The following ZNRF3 variants were observed in gnomAD, a reference collection of about 807,000 sequenced individuals.
ZNRF3 encodes zinc and ring finger 3, also known as E3 ubiquitin-protein ligase ZNRF3.
Under a neutral mutation model 72.5 loss-of-function variants are expected in ZNRF3, and 23 were observed. The ratio of observed to expected loss-of-function variants is 0.32; its 90% CI spans 0.23 to 0.45. The LOEUF (loss-of-function observed/expected upper bound fraction) is 0.45, where lower values mean the gene tolerates loss of function less well. Ranked by LOEUF, ZNRF3 falls within the 20% of genes least tolerant of loss-of-function variation. The pLI, the probability that ZNRF3 is intolerant of heterozygous loss-of-function variation, is 1.00. For missense variants in ZNRF3, 1,169 were observed against 1,272.1 expected (o/e 0.92, Z 1.23); for synonymous variants, 610 against 545.3 (o/e 1.12, Z -1.65).
chr22:28,967,266 C>T (rs1343071552), intron 1 of ZNRF3, among the ~76,000 whole-genome samples: 1 of 152,174 alleles, frequency 6.6e-6, no homozygotes, highest in Admixed American at 6.5e-5. Flanking sequence ...CATGGTGTTA[C>T]AGTTGACTAC....
chr22:28,967,828 G>A (rs1347118902), intron 1 of ZNRF3, among the ~76,000 whole-genome samples: 3 of 151,708 alleles, frequency 2.0e-5, no homozygotes, highest in African/African-American at 7.3e-5. Flanking sequence ...AGGTGGCTGA[G>A]GCAGGAGGAT....
At chr22:28,979,457 C>T (rs940758953) in intron 1 of ZNRF3, among the ~76,000 whole-genome samples, 2 of 152,158 alleles carry the variant, frequency 1.3e-5, no homozygotes, top group Non-Finnish European at 2.9e-5. Context: ...GCCACCCCAG[C>T]GTTCTTGGGC....
At chr22:28,968,193 C>T (rs2035509618) in intron 1 of ZNRF3, among the ~76,000 whole-genome samples, 1 of 152,172 alleles carries the variant, frequency 6.6e-6, no homozygotes, top group South Asian at 2.1e-4. Context: ...CTCAGCATGT[C>T]TTCCAGTTCA....
chr22:29,050,648 C>G lies in ZNRF3; in HGVS notation c.2467C>G (p.Arg823Gly). ...EPPPGCYPGA[R>G]DLSQRIPIIP... ...ACCGCCCGGCTGCTACCCCGGGGCC[C>G]GGGACCTGAGCCAGCGCATCCCCAT... Residue 823 changes from arginine to glycine, a missense_variant, in exon 8 of 9, where the codon CGG becomes GGG. Physicochemically the swap from Arg to Gly is moderately radical, Grantham distance 125. Coordinates refer to ENST00000544604, the MANE Select transcript of ZNRF3 (RefSeq NM_001206998.2). The G allele has an allele frequency of 6.2e-7, 1 of 1,611,892 alleles. No individual in the cohort carries two copies. The highest frequency in any genetic ancestry group is 2.2e-5 in the East Asian group (1 of 44,788).
chr22:29,050,408 T>C lies in ZNRF3; in HGVS notation c.2227T>C (p.Ser743Pro), dbSNP rs1448182370. 5 of 1,606,654 alleles carry C rather than the reference T, an allele frequency of 3.1e-6. No individual in the cohort carries two copies. Among genetic ancestry groups the C allele is most frequent in the Non-Finnish European group, 4.3e-6 (5 of 1,175,824 alleles). ...CCTGGGGCCCCACCTCTACGAGGGC[T>C]CTGGCCCGGCGGGTGGGGAGCCCCA... ...LFLGPHLYEGSGPAGGEPQSG... is the reference protein window; with the variant it reads ...LFLGPHLYEGPGPAGGEPQSG... The change falls in exon 8 of 9, where the codon TCT becomes CCT. Residue 743 changes from serine (S) to proline (P), a missense_variant. Physicochemically the swap from Ser to Pro is moderately conservative, Grantham distance 74 (BLOSUM62 -1). Around this residue, in one of 2 missense-constraint regions of ZNRF3, gnomAD observed 783 missense variants for 731.4 expected, o/e 1.07. Coordinates refer to ENST00000544604, the MANE Select transcript of ZNRF3 (RefSeq NM_001206998.2).
chr22:29,033,663 A>T (rs1461320802), intron 2 of ZNRF3, among the ~76,000 whole-genome samples: 1 of 152,124 alleles, frequency 6.6e-6, no homozygotes, highest in African/African-American at 2.4e-5. Context: ...AAAACGATGG[A>T]TGGATTTGGA....
At chr22:29,040,490 C>T (rs751133137) in intron 2 of ZNRF3, among the ~76,000 whole-genome samples, 26 of 151,926 alleles carry the variant, frequency 1.7e-4, no homozygotes, top group African/African-American at 4.8e-4. Context: ...CATCCCCCAC[C>T]GCCTTTTTTT....
At chr22:28,959,275 C>CT (rs1277419271) in intron 1 of ZNRF3, among the ~76,000 whole-genome samples, 2 of 152,210 alleles carry the variant, frequency 1.3e-5, no homozygotes, top group African/African-American at 4.8e-5. Flanking sequence ...AACACCTCAC[C>CT]TTATGACTGC....
chr22:28,963,344 G>T (rs913292401), intron 1 of ZNRF3, among the ~76,000 whole-genome samples: 2 of 152,140 alleles, frequency 1.3e-5, no homozygotes, highest in African/African-American at 2.4e-5. Context: ...TGCATCCCCT[G>T]CTTCTCTGTA....
chr22:28,947,496 C>T (rs894443023), intron 1 of ZNRF3, among the ~76,000 whole-genome samples: 1 of 152,206 alleles, frequency 6.6e-6, no homozygotes, highest in Non-Finnish European at 1.5e-5. Flanking sequence ...ATTCTAATTT[C>T]TCCATACCCT....
At chr22:28,982,220 A>G (rs1398906262) in intron 1 of ZNRF3, among the ~76,000 whole-genome samples, 1 of 152,096 alleles carries the variant, frequency 6.6e-6, no homozygotes, top group African/African-American at 2.4e-5. Flanking sequence ...CTAGTTTGCA[A>G]CTTATTTACA....
At chr22:28,977,327 A>G (rs1326391746) in intron 1 of ZNRF3, among the ~76,000 whole-genome samples, 1 of 152,168 alleles carries the variant, frequency 6.6e-6, no homozygotes, top group Non-Finnish European at 1.5e-5. Flanking sequence ...CAACAGGGAG[A>G]ATAATTATTC....
At chr22:29,002,620 G>A (rs1298413966) in intron 2 of ZNRF3, among the ~76,000 whole-genome samples, 1 of 152,222 alleles carries the variant, frequency 6.6e-6, no homozygotes, top group African/African-American at 2.4e-5. Flanking sequence ...GCACCAGACT[G>A]TAAATAATTG....
At chr22:28,943,640 T>G (rs2034991564) in intron 1 of ZNRF3, among the ~76,000 whole-genome samples, 1 of 152,138 alleles carries the variant, frequency 6.6e-6, no homozygotes, top group African/African-American at 2.4e-5. Context: ...CTACTTGATT[T>G]ACTTCTCATT....
intron 2 of ZNRF3, among the ~76,000 whole-genome samples, chr22:29,009,270 G>T (rs1014426573): frequency 6.6e-6 from 1 of 152,162 alleles, no homozygotes; most frequent in Non-Finnish European, 1.5e-5. Context: ...CAGCAGTGGG[G>T]CTGGCAGGAG....
intron 1 of ZNRF3, among the ~76,000 whole-genome samples, chr22:28,980,230 G>C (rs565058091): frequency 3.9e-5 from 6 of 152,098 alleles, no homozygotes; most frequent in South Asian, 4.1e-4. Flanking sequence ...TGGGTGGAGG[G>C]GGGGAAGGGG....
At chr22:28,989,499 A>C (rs371215095) in intron 2 of ZNRF3, among the ~76,000 whole-genome samples, 6 of 152,174 alleles carry the variant, frequency 3.9e-5, no homozygotes, top group African/African-American at 1.4e-4. Context: ...AAATAGGTTA[A>C]AGGAAGGCAA....
intron 1 of ZNRF3, among the ~76,000 whole-genome samples, chr22:28,950,889 C>G (rs1205431602): frequency 1.3e-5 from 2 of 152,196 alleles, no homozygotes; most frequent in African/African-American, 4.8e-5. Context: ...GCCTTGTCCT[C>G]TTTTATATCT....
chr22:28,933,150 A>G (rs534634372), intron 1 of ZNRF3, among the ~76,000 whole-genome samples: 57 of 152,130 alleles, frequency 3.7e-4, no homozygotes, highest in Non-Finnish European at 7.1e-4. Flanking sequence ...TATCATCTAA[A>G]CTCATGAACT....
Sources: allele counts gnomAD v4.1 joint callset (sites outside exome capture counted in the v4.1 genomes callset), GRCh38; gene constraint gnomAD v4.1.1; regional missense constraint gnomAD v4.1.1; transcripts MANE v1.5; gene names NCBI Gene and HGNC (gene_info 2026-07-23, HGNC 2026-07-21).